CTNNA3: variants seen among roughly 807,000 people sequenced by gnomAD.
The protein encoded by CTNNA3 is catenin alpha-3.
Under a neutral mutation model 95.7 loss-of-function variants are expected in CTNNA3, and 76 were observed. The ratio of observed to expected loss-of-function variants is 0.79; its 90% CI spans 0.66 to 0.96. The LOEUF is 0.96. CTNNA3 is among the 40% of genes least tolerant of loss of function. The pLI, the probability that CTNNA3 is intolerant of heterozygous loss-of-function variation, is 0.00. For missense variants in CTNNA3, 1,191 were observed against 1,089.8 expected (o/e 1.09, Z -1.31); for synonymous variants, 431 against 374.4 (o/e 1.15, Z -1.74).
rs761705979 is a variant in CTNNA3, at chr10:65,988,698, A to G, written c.2259T>C (p.Ala753=). The change falls in exon 16 of 18, where the codon GCT becomes GCC. Residue 753 remains alanine, a synonymous_variant. Transcript: ENST00000433211. ...CCACTTGTAAGTAACTCACCTGATT[A>G]GCAATCTGCCGAGCAAGGACATCCA... ...SRMDVLARQI[A]NQCPDPSCKQ... 1.1e-5 allele frequency: 17 copies of G among 1,612,586 alleles called. No homozygotes were observed. Among genetic ancestry groups the G allele is most frequent in the Admixed American group, 1.7e-5 (1 of 59,964 alleles).
intron 16 of CTNNA3, among the ~76,000 whole-genome samples, chr10:65,979,803 A>G (rs1031494026): frequency 4.6e-5 from 7 of 152,084 alleles, no homozygotes; most frequent in Admixed American, 2.6e-4. Context: ...GAGATTCACT[A>G]TTACTTGAAA....
intron 5 of CTNNA3, among the ~76,000 whole-genome samples, chr10:67,442,284 T>G (rs911983820): frequency 6.6e-6 from 1 of 151,240 alleles, no homozygotes; most frequent in Non-Finnish European, 1.5e-5. Context: ...ATCACCTTCA[T>G]GGGGAAAAAA....
chr10:66,991,948 C>T (rs1464965854), intron 7 of CTNNA3, among the ~76,000 whole-genome samples: 1 of 152,298 alleles, frequency 6.6e-6, no homozygotes, highest in South Asian at 2.1e-4. Flanking sequence ...CATACCTCCC[C>T]TTTCAGTGTT....
chr10:67,211,818 C>T (rs72806629), intron 6 of CTNNA3, among the ~76,000 whole-genome samples: 2,113 of 152,176 alleles, frequency 0.014, 20 homozygotes, highest in Non-Finnish European at 0.02. Flanking sequence ...TCTTCTAATT[C>T]CTGTTTATTT....
intron 9 of CTNNA3, among the ~76,000 whole-genome samples, chr10:66,732,527 T>C (rs761315712): frequency 6.6e-6 from 1 of 152,044 alleles, no homozygotes; most frequent in Admixed American, 6.6e-5. Flanking sequence ...ACAATGATGG[T>C]GGAAGGAGAA....
At chr10:65,977,333 T>C (rs1222095247) in intron 16 of CTNNA3, among the ~76,000 whole-genome samples, 3 of 152,132 alleles carry the variant, frequency 2.0e-5, no homozygotes, top group African/African-American at 4.8e-5. Flanking sequence ...ATGGAATACA[T>C]CATTTAGTAA....
chr10:66,061,147 A>T (rs1307090153), intron 15 of CTNNA3, among the ~76,000 whole-genome samples: 1 of 152,100 alleles, frequency 6.6e-6, no homozygotes, highest in East Asian at 1.9e-4. Flanking sequence ...AGGAGAAATC[A>T]TGTTTTCAAA....
intron 1 of CTNNA3, among the ~76,000 whole-genome samples, chr10:67,680,987 G>C (rs929844798): frequency 6.6e-6 from 1 of 152,146 alleles, no homozygotes; most frequent in African/African-American, 2.4e-5. Flanking sequence ...TGGAAGGAAA[G>C]AGACCGTTTA....
chr10:66,964,771 A>G (rs932113125), intron 7 of CTNNA3, among the ~76,000 whole-genome samples: 5 of 152,132 alleles, frequency 3.3e-5, no homozygotes, highest in Admixed American at 3.3e-4. Flanking sequence ...GTAGGAGGGA[A>G]AAGGGAGGAG....
At chr10:66,560,636 T>C (rs1046868820) in intron 10 of CTNNA3, among the ~76,000 whole-genome samples, 1 of 152,092 alleles carries the variant, frequency 6.6e-6, no homozygotes, top group East Asian at 1.9e-4. Context: ...GAATTCATTA[T>C]TCCAAAAACT....
At chr10:66,262,654 A>C (rs1206963474) in intron 13 of CTNNA3, among the ~76,000 whole-genome samples, 1 of 152,032 alleles carries the variant, frequency 6.6e-6, no homozygotes, top group Non-Finnish European at 1.5e-5. Context: ...ATATTAAAGG[A>C]TACATACAAA....
chr10:67,166,460 C>G (rs1334417092), intron 7 of CTNNA3, among the ~76,000 whole-genome samples: 3 of 152,052 alleles, frequency 2.0e-5, no homozygotes, highest in African/African-American at 7.2e-5. Flanking sequence ...TTTATATACA[C>G]TGGTTTAATT....
chr10:66,029,352 A>G (rs918578899), intron 15 of CTNNA3, among the ~76,000 whole-genome samples: 15 of 152,000 alleles, frequency 9.9e-5, no homozygotes, highest in African/African-American at 3.1e-4. Context: ...CCCAGCCCCA[A>G]TCACATCTCT....
At chr10:66,159,319 T>C (rs1458162351) in intron 13 of CTNNA3, among the ~76,000 whole-genome samples, 2 of 152,112 alleles carry the variant, frequency 1.3e-5, no homozygotes, top group Non-Finnish European at 2.9e-5. Context: ...TTTATTACAT[T>C]AAGGTATGAC....
At chr10:66,661,856 C>CATTAATAAGAAAT (rs1846275451) in intron 9 of CTNNA3, among the ~76,000 whole-genome samples, 1 of 152,046 alleles carries the variant, frequency 6.6e-6, no homozygotes. Flanking sequence ...TTAAGTGCCT[C>CATTAATAAGAAAT]AACATTTCTT....
At chr10:67,521,370 A>G (rs953351074) in intron 5 of CTNNA3, among the ~76,000 whole-genome samples, 2 of 152,162 alleles carry the variant, frequency 1.3e-5, no homozygotes, top group African/African-American at 4.8e-5. Context: ...TTAGCAAATT[A>G]CTCATCTTCA....
In CTNNA3 at chr10:66,132,889, G is replaced by C. The variant is rs915804874; in HGVS notation, c.1885-29640C>G. ...CAAAGAGGGGAACGACAGACACTGG[G>C]GACTACCAAAGGGTGGACGGTGGCA... On this transcript the variant is annotated intron_variant, in intron 13 of 17. Transcript: ENST00000433211. Among the ~76,000 whole-genome samples, 6 of 152,138 alleles carry C rather than the reference G, an allele frequency of 3.9e-5. No individual in the cohort carries two copies. The South Asian group carries it at 6.2e-4, about 16-fold the overall frequency.
chr10:67,046,668 T>C (rs1248847464), intron 7 of CTNNA3, among the ~76,000 whole-genome samples: 1 of 152,202 alleles, frequency 6.6e-6, no homozygotes, highest in Non-Finnish European at 1.5e-5. Flanking sequence ...AGCATGGTAC[T>C]AGGGATACTA....
At chr10:67,713,859 G>A (rs1167817587) in intron 1 of CTNNA3, among the ~76,000 whole-genome samples, 2 of 152,004 alleles carry the variant, frequency 1.3e-5, no homozygotes, top group East Asian at 1.9e-4. Context: ...CCTAGATGAC[G>A]GGTTGATAGG....
Sources: gnomAD v4.1 joint callset for allele counts (sites outside exome capture counted in the v4.1 genomes callset) on GRCh38, gnomAD v4.1.1 for gene constraint, MANE v1.5 for transcripts, NCBI Gene and HGNC (gene_info 2026-07-23, HGNC 2026-07-21) for gene names.